Variants in AGBL1 observed in about 807,000 individuals in gnomAD.
AGBL1 encodes AGBL carboxypeptidase 1.
Under a neutral mutation model 118.9 loss-of-function variants are expected in AGBL1, and 130 were observed. That is an observed-to-expected ratio of 1.09 (90% CI 0.95 to 1.26). AGBL1 has a LOEUF of 1.26. AGBL1 is among the 50% of genes most tolerant of loss of function. AGBL1 has a pLI of 0.00. For missense variants in AGBL1, 1,584 were observed against 1,298.1 expected, an observed-to-expected ratio of 1.22 and a Z score of -3.38; for synonymous variants, 555 against 478.9, an observed-to-expected ratio of 1.16 and a Z score of -2.08.
chr15:86,595,451 A>G (rs1004196593), intron 21 of AGBL1, among the ~76,000 whole-genome samples: 4 of 152,220 alleles, frequency 2.6e-5, no homozygotes, highest in African/African-American at 4.8e-5. Context: ...CTTGGCTTCA[A>G]CTATGAATTT....
At position 86,650,106 on chromosome 15, in the gene AGBL1, T is replaced by C. The variant is rs114968444; in HGVS notation, c.2995-24167T>C. On this transcript the variant is annotated intron_variant, in intron 21 of 22. Coordinates refer to ENST00000614907, the MANE Select transcript of AGBL1 (RefSeq NM_001386094.1). ...CTACAGCATATATATCTAGTTCTTT[T>C]TGTGGCACAGGGGGCATTTAGTTTT... 6.4e-3 allele frequency among the ~76,000 whole-genome samples: 972 copies of C among 152,268 alleles called. 8 individuals are homozygous for C. Among genetic ancestry groups the C allele is most frequent in the African/African-American group, 0.022 (914 of 41,584 alleles).
intron 17 of AGBL1, among the ~76,000 whole-genome samples, chr15:86,297,990 A>G (rs564209422): frequency 2.2e-4 from 33 of 152,156 alleles, no homozygotes; most frequent in Admixed American, 5.2e-4. Context: ...ATTGACCACA[A>G]ATAAGTGTAT....
chr15:86,516,761 C>G (rs1486143194), intron 18 of AGBL1, among the ~76,000 whole-genome samples: 1 of 145,684 alleles, frequency 6.9e-6, no homozygotes, highest in Non-Finnish European at 1.5e-5. Flanking sequence ...GGATGGTGCT[C>G]TAGCCTGGTT....
chr15:86,451,354 G>A (rs2082190070), intron 18 of AGBL1, among the ~76,000 whole-genome samples: 1 of 152,186 alleles, frequency 6.6e-6, no homozygotes, highest in Non-Finnish European at 1.5e-5. Flanking sequence ...TGAGGATAGA[G>A]ACCTTGTTCT....
intron 21 of AGBL1, among the ~76,000 whole-genome samples, chr15:86,631,762 C>G (rs970361079): frequency 3.3e-5 from 5 of 152,138 alleles, no homozygotes; most frequent in Admixed American, 2.6e-4. Context: ...CATAGCCAAC[C>G]CCAGGTCCTG....
At chr15:86,705,972 A>G (rs1215377213) in intron 22 of AGBL1, among the ~76,000 whole-genome samples, 3 of 152,136 alleles carry the variant, frequency 2.0e-5, no homozygotes, top group Non-Finnish European at 4.4e-5. Context: ...TCTTTTGGAA[A>G]AAAAAAACTT....
rs1443046484 is a variant in AGBL1 at position 86,580,259 on chromosome 15, GAC to G, written c.2994+25723_2994+25724del. 5.3e-5 allele frequency among the ~76,000 whole-genome samples: 8 copies of G among 152,092 alleles called. 1 individual carries two copies. The South Asian group carries it at 1.7e-3, about 32-fold the overall frequency. The stretch of plus-strand genomic sequence containing the variant: ...ATTCTTCTGTGCACTCCAAAATTCT[GAC>G]TATAGTTTTCCTTGTTACTACTAAC... On this transcript the variant is annotated intron_variant, in intron 21 of 22. Transcript: ENST00000614907.
intron 1 of AGBL1, among the ~76,000 whole-genome samples, chr15:86,111,516 C>A (rs942645108): frequency 1.2e-4 from 19 of 152,192 alleles, no homozygotes; most frequent in Admixed American, 3.9e-4. Flanking sequence ...AGGCAAGGAA[C>A]AACTGTTGTT....
chr15:86,762,671 T>C (rs2078043110), intron 22 of AGBL1, among the ~76,000 whole-genome samples: 1 of 152,012 alleles, frequency 6.6e-6, no homozygotes, highest in Non-Finnish European at 1.5e-5. Flanking sequence ...GACTGTATCC[T>C]AGCCCTGGTG....
intron 22 of AGBL1, among the ~76,000 whole-genome samples, chr15:86,709,535 T>C (rs538848914): frequency 6.6e-6 from 1 of 152,302 alleles, no homozygotes; most frequent in East Asian, 1.9e-4. Context: ...ATTTCATGGC[T>C]AATTCCAATG....
intron 17 of AGBL1, among the ~76,000 whole-genome samples, chr15:86,298,319 A>G (rs2079689776): frequency 8.8e-6 from 1 of 114,072 alleles, no homozygotes; most frequent in Admixed American, 9.2e-5. Context: ...ATATATAGGT[A>G]ACTATATATA....
chr15:86,533,120 T>C (rs2083373770), intron 19 of AGBL1, among the ~76,000 whole-genome samples: 2 of 68,380 alleles, frequency 2.9e-5, no homozygotes, highest in Non-Finnish European at 4.8e-5. Context: ...TGGGATCTAA[T>C]TAAACTACAG....
At chr15:86,974,408 A>T (rs866497853) in intron 23 of AGBL1, among the ~76,000 whole-genome samples, 1 of 103,320 alleles carries the variant, frequency 9.7e-6, no homozygotes, top group Non-Finnish European at 2.0e-5. Context: ...TAAACATATT[A>T]AATATAAACA....
chr15:86,385,886 A>T (rs982530522), intron 17 of AGBL1, among the ~76,000 whole-genome samples: 2 of 151,024 alleles, frequency 1.3e-5, no homozygotes, highest in Non-Finnish European at 1.5e-5. Flanking sequence ...TTCCTATCTG[A>T]CTTTTAAAAA....
At chr15:86,270,729 A>G (rs1266045194) in intron 14 of AGBL1, among the ~76,000 whole-genome samples, 1 of 152,212 alleles carries the variant, frequency 6.6e-6, no homozygotes, top group East Asian at 1.9e-4. Context: ...AAGAGAAAAT[A>G]TGAACCTTGA....
intron 22 of AGBL1, among the ~76,000 whole-genome samples, chr15:86,702,839 C>G (rs919918691): frequency 7.1e-6 from 1 of 141,754 alleles, no homozygotes; most frequent in African/African-American, 2.6e-5. Flanking sequence ...CTTGCCCAGT[C>G]TCCTGGGGTA....
chr15:86,668,657 A>G (rs1257310266), intron 21 of AGBL1, among the ~76,000 whole-genome samples: 1 of 152,100 alleles, frequency 6.6e-6, no homozygotes, highest in South Asian at 2.1e-4. Context: ...AGGTTGTTGT[A>G]AGACTTTGGG....
chr15:86,245,863 C>T (rs531268107), intron 6 of AGBL1, among the ~76,000 whole-genome samples: 1 of 152,228 alleles, frequency 6.6e-6, no homozygotes, highest in South Asian at 2.1e-4. Context: ...AATTCCTTTC[C>T]TGAATTCAGC....
intron 22 of AGBL1, among the ~76,000 whole-genome samples, chr15:86,740,744 C>A (rs890162734): frequency 2.0e-5 from 3 of 152,198 alleles, no homozygotes; most frequent in South Asian, 2.1e-4. Flanking sequence ...TATTCAGGAT[C>A]TTTTTACTGG....
Sources: allele counts gnomAD v4.1 joint callset (sites outside exome capture counted in the v4.1 genomes callset), GRCh38; gene constraint gnomAD v4.1.1; transcripts MANE v1.5; gene names NCBI Gene and HGNC (gene_info 2026-07-23, HGNC 2026-07-21).